Variants in RAP2A observed in about 807,000 individuals in gnomAD.
RAP2A encodes the protein ras-related protein Rap-2a.
A neutral mutation model predicts 15.1 loss-of-function variants in RAP2A; 5 were observed. The ratio of observed to expected loss-of-function variants is 0.33; its 90% CI spans 0.17 to 0.70. The LOEUF (loss-of-function observed/expected upper bound fraction) is 0.70. Among genes scored for constraint, RAP2A ranks in the 30% least tolerant of loss-of-function variants. The pLI is 0.68. For synonymous variants in RAP2A, 110 were observed against 99.7 expected, an observed-to-expected ratio of 1.10 and a Z score of -0.62; for missense variants, 111 against 240.3, an observed-to-expected ratio of 0.46 and a Z score of 3.56.
rs1438566632 is a variant in RAP2A, at chr13:97,469,085, C to T, written c.*4643C>T. 6 of 152,042 alleles carry T rather than the reference C, an allele frequency of 3.9e-5. No individual in the cohort carries two copies. Among genetic ancestry groups the T allele is most frequent in the Non-Finnish European group, 8.8e-5 (6 of 68,022 alleles). 9.4% of individuals were successfully genotyped at this position (152,042 alleles called of 1,614,324 possible). The stretch of plus-strand genomic sequence containing the variant: ...TGGATCATTCCAACTGGTTTTACAT[C>T]GTTGAATATTATCTAGTATTTTTAA... On this transcript the variant is annotated 3_prime_UTR_variant, in exon 2 of 2. Coordinates refer to ENST00000245304, the MANE Select transcript of RAP2A (RefSeq NM_021033.7).
intron 1 of RAP2A, among the ~76,000 whole-genome samples, chr13:97,457,010 C>T (rs1417987631): frequency 2.6e-5 from 4 of 152,080 alleles, no homozygotes; most frequent in Non-Finnish European, 5.9e-5. Context: ...TTCTTCAAAA[C>T]TCCCGTAACA....
chr13:97,450,549 A>G (rs2066697803), intron 1 of RAP2A, among the ~76,000 whole-genome samples: 2 of 152,302 alleles, frequency 1.3e-5, no homozygotes, highest in East Asian at 3.9e-4. Flanking sequence ...AGATTTTTAA[A>G]TGACATATTT....
rs2066622750 is a variant in RAP2A, at chr13:97,434,313, C to A, written c.-158C>A. ...AGGGCCGCTGCTCCCTCAGTTGCCGCCGCCGCCGCCGGCGCCCAGGGGGCC... is the reference window on the plus strand; with the variant it reads ...AGGGCCGCTGCTCCCTCAGTTGCCGACGCCGCCGCCGGCGCCCAGGGGGCC... On this transcript the variant is annotated 5_prime_UTR_variant, in exon 1 of 2. Transcript: ENST00000245304. 2.6e-6 allele frequency: 1 copy of A among 379,214 alleles called. No individual in the cohort carries two copies. 23.5% of individuals were successfully genotyped at this position (379,214 alleles called of 1,614,324 possible).
intron 1 of RAP2A, among the ~76,000 whole-genome samples, chr13:97,442,474 G>A (rs988817009): frequency 6.6e-6 from 1 of 152,070 alleles, no homozygotes; most frequent in Non-Finnish European, 1.5e-5. Context: ...CACTCAGCAG[G>A]GGATTTCACA....
At position 97,467,873 on chromosome 13, in the gene RAP2A, T is replaced by G. The variant is rs2066779282; in HGVS notation, c.*3431T>G. On this transcript the variant is annotated 3_prime_UTR_variant, in exon 2 of 2. Coordinates refer to ENST00000245304, the MANE Select transcript of RAP2A (RefSeq NM_021033.7). Reference sequence around the variant, plus strand: ...GAACAAGTTTATTGTTTTGTAACAATGTCAGTTGTTAAACCTTGACATTTC... The same window carrying G: ...GAACAAGTTTATTGTTTTGTAACAAGGTCAGTTGTTAAACCTTGACATTTC... 6.6e-6 allele frequency: 1 copy of G among 152,650 alleles called. No individual in the cohort carries two copies. The allele number at this position is 152,650 out of a possible 1,614,324, so 9.5% of individuals were successfully genotyped here.
At chr13:97,436,000 C>T (rs2066632568) in intron 1 of RAP2A, 1 of 152,114 alleles carries the variant, frequency 6.6e-6, no homozygotes, top group Non-Finnish European at 1.5e-5. Context: ...AAATTCATTA[C>T]GAGTAGTGAG....
At chr13:97,451,316 C>G (rs1163638475) in intron 1 of RAP2A, among the ~76,000 whole-genome samples, 1 of 151,956 alleles carries the variant, frequency 6.6e-6, no homozygotes, top group Non-Finnish European at 1.5e-5. Flanking sequence ...ATGTGTACAC[C>G]TGTAACCAAA....
rs140460845 is a variant in RAP2A, at chr13:97,453,842, C to T, written c.315-10363C>T. On this transcript the variant is annotated intron_variant, in intron 1 of 1. Coordinates refer to ENST00000245304, the MANE Select transcript of RAP2A (RefSeq NM_021033.7). ...CAGCAATGTATCTAGTTTGCGTCCTCGCCAGCATTTTAGTGTTGTCACTAT... is the reference window on the plus strand; with the variant it reads ...CAGCAATGTATCTAGTTTGCGTCCTTGCCAGCATTTTAGTGTTGTCACTAT... Among the ~76,000 whole-genome samples, 846 of 150,792 alleles carry T rather than the reference C, an allele frequency of 5.6e-3. 34 individuals are homozygous for T. The highest frequency in any genetic ancestry group is 0.02 in the African/African-American group (818 of 40,902).
At chr13:97,451,237 TTTTG>T (rs1182477978) in intron 1 of RAP2A, among the ~76,000 whole-genome samples, 2 of 152,182 alleles carry the variant, frequency 1.3e-5, no homozygotes, top group Non-Finnish European at 2.9e-5. Context: ...TACTGATTTT[TTTTG>T]TTTTTTTTTA....
chr13:97,456,320 T>G (rs1274797367), intron 1 of RAP2A, among the ~76,000 whole-genome samples: 1 of 145,722 alleles, frequency 6.9e-6, no homozygotes, highest in African/African-American at 2.6e-5. Flanking sequence ...GTAGGTCTCT[T>G]TCTTCTTCAG....
chr13:97,444,020 C>T (rs1223068295), intron 1 of RAP2A, among the ~76,000 whole-genome samples: 1 of 152,146 alleles, frequency 6.6e-6, no homozygotes, highest in Non-Finnish European at 1.5e-5. Flanking sequence ...TGAAACCCAG[C>T]CTTTTATCTG....
chr13:97,460,148 T>A (rs1405702229), intron 1 of RAP2A, among the ~76,000 whole-genome samples: 1 of 152,212 alleles, frequency 6.6e-6, no homozygotes. Flanking sequence ...CAGTAGTGGC[T>A]CCGCTTGTAG....
intron 1 of RAP2A, among the ~76,000 whole-genome samples, chr13:97,454,925 A>G (rs908896294): frequency 6.6e-6 from 1 of 151,138 alleles, no homozygotes; most frequent in Non-Finnish European, 1.5e-5. Flanking sequence ...TTCATTTAGT[A>G]TTGTAAAGAT....
intron 1 of RAP2A, among the ~76,000 whole-genome samples, chr13:97,449,596 CTTTCA>C (rs769327870): frequency 3.5e-4 from 53 of 152,290 alleles, no homozygotes; most frequent in Non-Finnish European, 6.8e-4. Context: ...TTTCTGACTT[CTTTCA>C]TTTCAGTGTT....
intron 1 of RAP2A, among the ~76,000 whole-genome samples, chr13:97,460,734 C>T (rs919632551): frequency 1.3e-5 from 2 of 152,156 alleles, no homozygotes; most frequent in Middle Eastern, 3.2e-3. Flanking sequence ...GCCTTTCCCA[C>T]AGGGGCCAGT....
At chr13:97,452,650 G>GCGCA (rs1555326584) in intron 1 of RAP2A, among the ~76,000 whole-genome samples, 7 of 148,180 alleles carry the variant, frequency 4.7e-5, no homozygotes, top group South Asian at 2.2e-4. Flanking sequence ...ACACACACAC[G>GCGCA]CACACACACA....
chr13:97,434,847 C>A, intron 1 of RAP2A, 63 bp downstream of exon 1: 2 of 1,584,122 alleles, frequency 1.3e-6, no homozygotes, highest in Non-Finnish European at 1.7e-6. Context: ...GGGGCTGGAA[C>A]TCCCCGCGCG....
intron 1 of RAP2A, among the ~76,000 whole-genome samples, chr13:97,461,064 T>C (rs1048920904): frequency 2.5e-4 from 38 of 152,256 alleles, no homozygotes; most frequent in Non-Finnish European, 1.6e-4. Flanking sequence ...TAGTACTTCA[T>C]TTTTTTCAGC....
At chr13:97,456,244 G>A (rs1393536779) in intron 1 of RAP2A, among the ~76,000 whole-genome samples, 1 of 148,320 alleles carries the variant, frequency 6.7e-6, no homozygotes, top group Non-Finnish European at 1.5e-5. Flanking sequence ...GCACCAGGAA[G>A]TGCCCACCCT....
Sources: allele counts gnomAD v4.1 joint callset (sites outside exome capture counted in the v4.1 genomes callset), GRCh38; gene constraint gnomAD v4.1.1; transcripts MANE v1.5; gene names NCBI Gene and HGNC (gene_info 2026-07-23, HGNC 2026-07-21).